The following EDIL3 variants were observed in gnomAD, a reference collection of about 807,000 sequenced individuals.
EDIL3 encodes the protein EGF like and discoidin domains 3.
Under a neutral mutation model 67.4 loss-of-function variants are expected in EDIL3, and 37 were observed. The observed-to-expected ratio is 0.55, with a 90% CI of 0.42 to 0.72. The LOEUF is 0.72. Ranked by LOEUF, EDIL3 falls within the 30% of genes least tolerant of loss-of-function variation. The pLI is 0.00. For missense variants in EDIL3, 527 were observed against 586.3 expected (o/e 0.90, Z 1.04); for synonymous variants, 195 against 196.3 (o/e 0.99, Z 0.05).
intron 1 of EDIL3, among the ~76,000 whole-genome samples, chr5:84,310,231 T>A (rs899869992): frequency 6.6e-6 from 1 of 152,234 alleles, no homozygotes; most frequent in African/African-American, 2.4e-5. Context: ...TAATAAATAG[T>A]TACTGTTACA....
intron 1 of EDIL3, among the ~76,000 whole-genome samples, chr5:84,262,855 G>C (rs995857017): frequency 3.8e-4 from 57 of 151,238 alleles, no homozygotes; most frequent in African/African-American, 1.3e-3. Flanking sequence ...TAGTTTAGTA[G>C]ATATGGGGTT....
chr5:84,229,416 A>G (rs1003710320), intron 3 of EDIL3, among the ~76,000 whole-genome samples: 3 of 152,274 alleles, frequency 2.0e-5, no homozygotes, highest in East Asian at 1.9e-4. Flanking sequence ...AGTGAATATG[A>G]TGTTTGATGC....
chr5:84,080,563 T>A (rs1559064), intron 6 of EDIL3, among the ~76,000 whole-genome samples: 1 of 151,898 alleles, frequency 6.6e-6, no homozygotes, highest in Non-Finnish European at 1.5e-5. Flanking sequence ...AAGTTGTGAT[T>A]GTTATTCTAC....
intron 1 of EDIL3, among the ~76,000 whole-genome samples, chr5:84,365,172 CT>C (rs1312406823): frequency 2.0e-5 from 3 of 151,854 alleles, no homozygotes; most frequent in Non-Finnish European, 2.9e-5. Context: ...TAAATTTGAA[CT>C]GCTAAAAGAT....
intron 9 of EDIL3, among the ~76,000 whole-genome samples, chr5:84,054,763 G>A (rs1746411408): frequency 6.6e-6 from 1 of 151,638 alleles, no homozygotes; most frequent in Non-Finnish European, 1.5e-5. Flanking sequence ...GGATGTGAAG[G>A]ACCTCTTCAA....
chr5:84,212,874 T>A (rs1412162046), intron 3 of EDIL3, among the ~76,000 whole-genome samples: 4 of 152,070 alleles, frequency 2.6e-5, no homozygotes, highest in African/African-American at 9.7e-5. Flanking sequence ...TTTCATTGGT[T>A]CTCTCATTTC....
chr5:84,264,447 C>G (rs555537032), intron 1 of EDIL3, among the ~76,000 whole-genome samples: 33 of 152,228 alleles, frequency 2.2e-4, no homozygotes, highest in African/African-American at 7.0e-4. Flanking sequence ...CTTAAAATGT[C>G]AACATGTACC....
chr5:84,225,245 T>C (rs1281948489), intron 3 of EDIL3, among the ~76,000 whole-genome samples: 1 of 151,622 alleles, frequency 6.6e-6, no homozygotes, highest in African/African-American at 2.4e-5. Context: ...CTATTAGAAA[T>C]GCAGATAAGA....
intron 3 of EDIL3, among the ~76,000 whole-genome samples, chr5:84,225,398 T>A (rs1485491263): frequency 6.6e-6 from 1 of 151,830 alleles, no homozygotes; most frequent in South Asian, 2.1e-4. Flanking sequence ...TTGTCTAAAG[T>A]ATAAGAATAT....
chr5:84,043,480 G>C (rs768924963), intron 9 of EDIL3, among the ~76,000 whole-genome samples: 1 of 152,108 alleles, frequency 6.6e-6, no homozygotes, highest in African/African-American at 2.4e-5. Context: ...CCAAGTTTGC[G>C]GATACACATA....
intron 5 of EDIL3, among the ~76,000 whole-genome samples, chr5:84,132,643 T>C (rs1225780369): frequency 3.6e-5 from 5 of 138,006 alleles, no homozygotes; most frequent in Non-Finnish European, 7.6e-5. Context: ...TCTATGTTTA[T>C]GTGCTTGGAA....
At chr5:84,034,730 T>A (rs1046618884) in intron 9 of EDIL3, among the ~76,000 whole-genome samples, 8 of 152,018 alleles carry the variant, frequency 5.3e-5, no homozygotes, top group African/African-American at 1.9e-4. Flanking sequence ...AGATGAGGAG[T>A]CCTGGGATGG....
Position 84,055,817 on chromosome 5 carries a change from C to T in EDIL3, c.1137+4483G>A, listed in dbSNP as rs369634213. 1.8e-4 allele frequency among the ~76,000 whole-genome samples: 27 copies of T among 152,244 alleles called. No homozygotes were observed. In the East Asian group the frequency reaches 3.3e-3, roughly 19 times the overall value. On this transcript the variant is annotated intron_variant, in intron 9 of 10. Coordinates refer to ENST00000296591, the MANE Select transcript of EDIL3 (RefSeq NM_005711.5). ...TTCAAAAGTCAGGAAACAACAGGTG[C>T]TGGAGAGGATGTGAAGACATAGGAA...
At chr5:84,122,871 T>G (rs941519273) in intron 5 of EDIL3, among the ~76,000 whole-genome samples, 1 of 151,986 alleles carries the variant, frequency 6.6e-6, no homozygotes, top group African/African-American at 2.4e-5. Flanking sequence ...CTCTTCTTTG[T>G]GCAAAGCAGA....
chr5:84,064,775 A>G lies in EDIL3; in HGVS notation c.877T>C (p.Tyr293His). The change falls in exon 8 of 11, where the codon TAT becomes CAT. Residue 293 changes from tyrosine (Y) to histidine (H), a missense_variant. This residue lies in a region of EDIL3 where 494 missense variants were observed against 522.5 expected (regional missense o/e 0.95). Transcript: ENST00000296591. ...CAAACTTGGGGATAGAGTCTTACAT[A>G]CTGAGCTTTTATGGGGGGTGTGAAA... ...NSFTPPIKAQ[Y>H]VRLYPQVCRR... The G allele has an allele frequency of 1.2e-6, 2 of 1,613,966 alleles. No individual in the cohort carries two copies. The highest frequency in any genetic ancestry group is 2.2e-5 in the South Asian group (2 of 91,046).
intron 3 of EDIL3, among the ~76,000 whole-genome samples, chr5:84,202,162 C>G (rs954275140): frequency 2.0e-5 from 3 of 152,094 alleles, no homozygotes; most frequent in Non-Finnish European, 4.4e-5. Context: ...TGTGCCATTT[C>G]TTACATACAT....
At chr5:84,350,571 T>C (rs1747335472) in intron 1 of EDIL3, among the ~76,000 whole-genome samples, 1 of 152,034 alleles carries the variant, frequency 6.6e-6, no homozygotes, top group Non-Finnish European at 1.5e-5. Context: ...TGAATAAAGT[T>C]TAGTCTTAAA....
chr5:84,171,139 C>G (rs1053470686), intron 4 of EDIL3, among the ~76,000 whole-genome samples: 41 of 151,976 alleles, frequency 2.7e-4, no homozygotes, highest in Non-Finnish European at 2.8e-4. Context: ...AATATACTAC[C>G]TTCATGAGTA....
intron 1 of EDIL3, among the ~76,000 whole-genome samples, chr5:84,255,042 G>T (rs1357100265): frequency 6.6e-6 from 1 of 152,084 alleles, no homozygotes; most frequent in African/African-American, 2.4e-5. Flanking sequence ...GGAGATTTCC[G>T]GGCAGACTGT....
Sources: allele counts gnomAD v4.1 joint callset (sites outside exome capture counted in the v4.1 genomes callset), GRCh38; gene constraint gnomAD v4.1.1; regional missense constraint gnomAD v4.1.1; transcripts MANE v1.5; gene names NCBI Gene and HGNC (gene_info 2026-07-23, HGNC 2026-07-21).